The following LIFR variants were observed in gnomAD, a reference collection of about 807,000 sequenced individuals.
The protein encoded by LIFR is LIF receptor subunit alpha, also known as leukemia inhibitory factor receptor.
Under a neutral mutation model 122.2 loss-of-function variants are expected in LIFR, and 84 were observed. The observed-to-expected ratio is 0.69, with a 90% confidence interval of 0.58 to 0.82. The LOEUF (loss-of-function observed/expected upper bound fraction) is 0.82, where lower values mean the gene tolerates loss of function less well. LIFR is among the 40% of genes least tolerant of loss of function. The pLI, the probability that LIFR is intolerant of heterozygous loss-of-function variation, is 0.00. For missense variants in LIFR, 1,294 were observed against 1,311.6 expected (o/e 0.99, Z 0.21); for synonymous variants, 422 against 434.7 (o/e 0.97, Z 0.36).
intron 1 of LIFR, among the ~76,000 whole-genome samples, chr5:38,566,111 GCTTT>G (rs1469499087): frequency 1.3e-5 from 2 of 152,038 alleles, no homozygotes; most frequent in Non-Finnish European, 2.9e-5. Context: ...AATTTTTATT[GCTTT>G]CTGTCTTTCA....
At chr5:38,594,573 AG>A (rs955910532) in intron 1 of LIFR, among the ~76,000 whole-genome samples, 11 of 152,278 alleles carry the variant, frequency 7.2e-5, no homozygotes, top group African/African-American at 2.6e-4. Flanking sequence ...GGGTATATGA[AG>A]CTCTCTGTAC....
intron 1 of LIFR, among the ~76,000 whole-genome samples, chr5:38,585,625 C>A (rs1339219422): frequency 1.3e-5 from 2 of 152,026 alleles, no homozygotes; most frequent in African/African-American, 4.8e-5. Flanking sequence ...TGTGTGTCAA[C>A]CTGGACATCA....
At chr5:38,539,212 G>T (rs1035589761) in intron 1 of LIFR, among the ~76,000 whole-genome samples, 1 of 152,128 alleles carries the variant, frequency 6.6e-6, no homozygotes, top group Non-Finnish European at 1.5e-5. Flanking sequence ...GCCTCCCAAA[G>T]TGCTGGGATT....
intron 2 of LIFR, chr5:38,606,099 G>A (rs1750322902): frequency 6.6e-6 from 1 of 152,142 alleles, no homozygotes; most frequent in Non-Finnish European, 1.5e-5. Context: ...CTATGTTGGG[G>A]CAGATCTAGA....
chr5:38,485,717 G>T, intron 17 of LIFR, 102 bp downstream of exon 17: 2 of 1,345,816 alleles, frequency 1.5e-6, no homozygotes, highest in Non-Finnish European at 2.1e-6. Context: ...AAATGTGAAT[G>T]TTTTTTAGAA....
chr5:38,598,031 A>G (rs1580250356), upstream of LIFR, among the ~76,000 whole-genome samples: 1 of 151,890 alleles, frequency 6.6e-6, no homozygotes, highest in Admixed American at 6.6e-5. Flanking sequence ...AATAAGAAAA[A>G]AAAAGGTTGA....
Position 38,490,173 on chromosome 5 carries a change from G to T in LIFR, c.2167+17C>A. The T allele has an allele frequency of 9.1e-7, 1 of 1,097,668 alleles. No individual in the cohort carries two copies. The highest frequency in any genetic ancestry group is 1.4e-6 in the Non-Finnish European group (1 of 724,068). The allele number at this position is 1,097,668 out of a possible 1,614,324, so 68.0% of individuals were successfully genotyped here. A position where few individuals can be genotyped will look rare whatever the true frequency, so the allele number is the denominator to read the frequency against. ...TGTTGCCTTGAGCTCTTATAAATAA[G>T]TACCCATTTAACTTACCCAATTCTT... On this transcript the variant is annotated intron_variant, in intron 15 of 19. Transcript: ENST00000453190.
rs34579169 is a variant in LIFR, at chr5:38,476,522, CT to C, written c.*5072del. ...CAACACATAGGATCTATGTTGTTAGCTTTTTTTTTTTTAAAGTTCTGATTGG... is the reference window on the plus strand; with the variant it reads ...CAACACATAGGATCTATGTTGTTAGCTTTTTTTTTTTAAAGTTCTGATTGG... On this transcript the variant is annotated 3_prime_UTR_variant, in exon 20 of 20. Coordinates refer to ENST00000453190, the MANE Select transcript of LIFR (RefSeq NM_001127671.2). 0.013 allele frequency: 2,497 copies of C among 185,608 alleles called. 3 individuals are homozygous for C. The highest frequency in any genetic ancestry group is 0.019 in the East Asian group (209 of 11,104). The allele number at this position is 185,608 out of a possible 1,614,324, so 11.5% of individuals were successfully genotyped here. A position where few individuals can be genotyped will look rare whatever the true frequency, so the allele number is the denominator to read the frequency against.
At chr5:38,545,689 T>C (rs1309465628) in intron 1 of LIFR, among the ~76,000 whole-genome samples, 3 of 151,528 alleles carry the variant, frequency 2.0e-5, no homozygotes, top group Non-Finnish European at 4.4e-5. Flanking sequence ...AGTGAAACCC[T>C]GTGTCTACTA....
In LIFR at chr5:38,544,316, C is replaced by G. The variant is rs893283398; in HGVS notation, c.-20+12018G>C. On this transcript the variant is annotated intron_variant, in intron 1 of 19. Coordinates refer to ENST00000453190, the MANE Select transcript of LIFR (RefSeq NM_001127671.2). ...TAGTGGATTCTCCTTATAAGCACAC[C>G]CCACTCTCTGTCCTGCATCCCCTTC... Among the ~76,000 whole-genome samples, 5 of 152,162 alleles carry G rather than the reference C, an allele frequency of 3.3e-5. No homozygotes were observed. In the South Asian group the frequency reaches 1.0e-3, roughly 32 times the overall value.
intron 1 of LIFR, among the ~76,000 whole-genome samples, chr5:38,583,862 G>A (rs932770907): frequency 6.6e-6 from 1 of 152,154 alleles, no homozygotes; most frequent in Non-Finnish European, 1.5e-5. Flanking sequence ...TCTCATGGTA[G>A]TGAATAAGTC....
upstream of LIFR, among the ~76,000 whole-genome samples, chr5:38,596,550 C>T: frequency 6.6e-6 from 1 of 152,060 alleles, no homozygotes; most frequent in East Asian, 1.9e-4. Flanking sequence ...GACTAGAGAC[C>T]ACACTTTGAG....
intron 9 of LIFR, 46 bp from the exon 10 acceptor site, chr5:38,504,167 A>G: frequency 7.9e-7 from 1 of 1,268,838 alleles, no homozygotes; most frequent in Non-Finnish European, 1.1e-6. Flanking sequence ...TAAAGGGAAA[A>G]ACTATCTTCT....
intron 14 of LIFR, among the ~76,000 whole-genome samples, chr5:38,492,074 A>C (rs570150182): frequency 2.0e-5 from 3 of 152,342 alleles, no homozygotes; most frequent in African/African-American, 7.2e-5. Flanking sequence ...AGGTGTGCCT[A>C]CTATGTGCCA....
intron 1 of LIFR, among the ~76,000 whole-genome samples, chr5:38,532,965 G>A (rs932948355): frequency 6.6e-6 from 1 of 152,208 alleles, no homozygotes; most frequent in South Asian, 2.1e-4. Context: ...GGGTGCAAAT[G>A]CAAATATGCA....
intron 1 of LIFR, among the ~76,000 whole-genome samples, chr5:38,592,601 G>A (rs1301424552): frequency 2.7e-5 from 4 of 150,412 alleles, no homozygotes; most frequent in African/African-American, 7.3e-5. Context: ...AGATTGCAGC[G>A]AGCTGAGATT....
At chr5:38,582,381 G>C (rs1749616083) in intron 1 of LIFR, among the ~76,000 whole-genome samples, 1 of 152,168 alleles carries the variant, frequency 6.6e-6, no homozygotes, top group South Asian at 2.1e-4. Context: ...AAAGGAGTTG[G>C]AAGGATCAGT....
At chr5:38,575,128 C>T (rs961272310) in intron 1 of LIFR, among the ~76,000 whole-genome samples, 1 of 152,164 alleles carries the variant, frequency 6.6e-6, no homozygotes, top group African/African-American at 2.4e-5. Flanking sequence ...ATGGTCTAAA[C>T]TTAACAACAC....
intron 2 of LIFR, among the ~76,000 whole-genome samples, chr5:38,602,435 T>C (rs975511181): frequency 6.6e-6 from 1 of 152,194 alleles, no homozygotes; most frequent in African/African-American, 2.4e-5. Context: ...CCCTTTATTC[T>C]GGTGGATTAA....
Sources: allele counts gnomAD v4.1 joint callset (sites outside exome capture counted in the v4.1 genomes callset), GRCh38; gene constraint gnomAD v4.1.1; transcripts MANE v1.5; gene names NCBI Gene and HGNC (gene_info 2026-07-23, HGNC 2026-07-21).